The following NT5C1A variants were observed in gnomAD, a reference collection of about 807,000 sequenced individuals.
NT5C1A encodes the protein 5'-nucleotidase, cytosolic IA, also known as cytosolic 5'-nucleotidase 1A.
Under a neutral mutation model 31.0 loss-of-function variants are expected in NT5C1A, and 18 were observed. That is an observed-to-expected ratio of 0.58 (90% CI 0.40 to 0.86). NT5C1A has a LOEUF of 0.86. Ranked by LOEUF, NT5C1A falls within the 40% of genes least tolerant of loss-of-function variation. NT5C1A has a pLI of 0.00. For missense variants in NT5C1A, 470 were observed against 505.4 expected (o/e 0.93, Z 0.67); for synonymous variants, 185 against 203.6 (o/e 0.91, Z 0.78).
In NT5C1A at chr1:39,659,223, A is replaced by C; in HGVS notation, c.1005T>G (p.Ala335=). Residue 335 remains alanine (A), a synonymous_variant, in exon 6 of 6, where the codon GCT becomes GCG. Coordinates refer to ENST00000235628, the MANE Select transcript of NT5C1A (RefSeq NM_032526.3). The part of the protein sequence containing the change: ...IFFDDQMFHV[A]GAQEMGTVAA... ...CCACAGTGCCCATCTCCTGAGCCCC[A>C]GCCACATGGAACATCTGGTCATCAA... 4 of 1,614,140 alleles carry C rather than the reference A, an allele frequency of 2.5e-6. No individual in the cohort carries two copies. Among genetic ancestry groups the C allele is most frequent in the Non-Finnish European group, 3.4e-6 (4 of 1,180,052 alleles).
At chr1:39,661,464 A>C (rs567555135) in intron 4 of NT5C1A, among the ~76,000 whole-genome samples, 1 of 152,290 alleles carries the variant, frequency 6.6e-6, no homozygotes, top group South Asian at 2.1e-4. Context: ...TCTGAAGGAG[A>C]TCTCTAGGGC....
rs183827326 is a variant in NT5C1A at position 39,653,454 on chromosome 1, G to A, written c.*5667C>T. Among the ~76,000 whole-genome samples, 6 of 152,224 alleles carry A rather than the reference G, an allele frequency of 3.9e-5. No homozygotes were observed. The highest frequency in any genetic ancestry group is 2.6e-4 in the Admixed American group (4 of 15,292). On this transcript the variant is annotated 3_prime_UTR_variant, in exon 6 of 6. Coordinates refer to ENST00000235628, the MANE Select transcript of NT5C1A (RefSeq NM_032526.3). ...CCCACATAAATACACGTACGTGTACGATTTTTATCCTGTTGCACAAACTTA... is the reference window on the plus strand; with the variant it reads ...CCCACATAAATACACGTACGTGTACAATTTTTATCCTGTTGCACAAACTTA...
In NT5C1A at chr1:39,654,431, G is replaced by A. The variant is rs1008240301; in HGVS notation, c.*4690C>T. Reference sequence around the variant, plus strand: ...TCCAAAACTCATGTTTAGCTAATGCGCATCCACCTACTAGGCTGATCATTG... The same window carrying A: ...TCCAAAACTCATGTTTAGCTAATGCACATCCACCTACTAGGCTGATCATTG... On this transcript the variant is annotated 3_prime_UTR_variant, in exon 6 of 6. Transcript: ENST00000235628. Among the ~76,000 whole-genome samples the A allele has an allele frequency of 2.0e-5, 3 of 152,160 alleles. No individual in the cohort carries two copies. The highest frequency in any genetic ancestry group is 1.9e-4 in the East Asian group (1 of 5,192).
In NT5C1A at chr1:39,672,105, G is replaced by A; in HGVS notation, c.-67C>T. 1 of 1,196,004 alleles carries A rather than the reference G, an allele frequency of 8.4e-7. No individual in the cohort carries two copies. 74.1% of individuals were successfully genotyped at this position (1,196,004 alleles called of 1,614,324 possible). ...TAGACGCGGAGGTGGCTGGGGCTGG[G>A]CTGCAGGAGGGAGGCGAGTCCCGGC... is the stretch of plus-strand genomic sequence containing the variant. On this transcript the variant is annotated 5_prime_UTR_variant, in exon 1 of 6. Transcript: ENST00000235628.
chr1:39,659,541 C>A, intron 5 of NT5C1A, 55 bp from the exon 6 acceptor site: 1 of 1,512,230 alleles, frequency 6.6e-7, no homozygotes, highest in South Asian at 1.3e-5. Flanking sequence ...AATATTTGCC[C>A]CCTGCTCTCC....
chr1:39,661,023 G>T, intron 5 of NT5C1A, 56 bp downstream of exon 5: 2 of 1,053,972 alleles, frequency 1.9e-6, no homozygotes, highest in Non-Finnish European at 2.8e-6. Flanking sequence ...CAGGCCAAGG[G>T]CAGGTCTGGG....
At chr1:39,659,622 T>A in intron 5 of NT5C1A, 136 bp from the exon 6 acceptor site, 2 of 1,119,762 alleles carry the variant, frequency 1.8e-6, no homozygotes, top group Non-Finnish European at 2.5e-6. Context: ...GCTCTGCTTA[T>A]GCCTGCTTAG....
Position 39,654,173 on chromosome 1 carries a change from A to G in NT5C1A, c.*4948T>C, listed in dbSNP as rs1646448403. Among the ~76,000 whole-genome samples the G allele has an allele frequency of 6.6e-6, 1 of 152,210 alleles. No homozygotes were observed. The highest frequency in any genetic ancestry group is 1.5e-5 in the Non-Finnish European group (1 of 68,034). On this transcript the variant is annotated 3_prime_UTR_variant, in exon 6 of 6. Coordinates refer to ENST00000235628, the MANE Select transcript of NT5C1A (RefSeq NM_032526.3). ...GAGTCCTAGAATTCTCCTGATCCAC[A>G]ATTCCATTATGAGGGGTATTTGTGT...
chr1:39,657,177 G>A lies in NT5C1A; in HGVS notation c.*1944C>T, dbSNP rs1229504589. 1.3e-5 allele frequency among the ~76,000 whole-genome samples: 2 copies of A among 152,156 alleles called. No homozygotes were observed. Among genetic ancestry groups the A allele is most frequent in the African/African-American group, 4.8e-5 (2 of 41,420 alleles). ...ACACAGCCATACCCTTCCTCCCTGG[G>A]ACCAGCCTCATGGAGACCTCTGACA... On this transcript the variant is annotated 3_prime_UTR_variant, in exon 6 of 6. Coordinates refer to ENST00000235628, the MANE Select transcript of NT5C1A (RefSeq NM_032526.3).
In NT5C1A at chr1:39,666,216, G is replaced by A; in HGVS notation, c.156C>T (p.Val52=). 6.2e-7 allele frequency: 1 copy of A among 1,613,544 alleles called. No homozygotes were observed. Among genetic ancestry groups the A allele is most frequent in the Non-Finnish European group, 8.5e-7 (1 of 1,179,962 alleles). Residue 52 remains valine, a synonymous_variant, in exon 2 of 6, where the codon GTC becomes GTT. Coordinates refer to ENST00000235628, the MANE Select transcript of NT5C1A (RefSeq NM_032526.3). ...AGGCTCGGGAGGACACAGCGATGGT[G>A]ACTGCATTCTGAGGCTTGGGCTGCA... The part of the protein sequence containing the change: ...KPKSPKPQNA[V]TIAVSSRALF...
chr1:39,666,086 C>T lies in NT5C1A; in HGVS notation c.286G>A (p.Ala96Thr), dbSNP rs757182920. The T allele has an allele frequency of 1.2e-6, 2 of 1,613,096 alleles. No individual in the cohort carries two copies. Among genetic ancestry groups the T allele is most frequent in the Admixed American group, 1.7e-5 (1 of 59,978 alleles). The part of the protein sequence containing the change: ...HENEPFSPGP[A>T]FPFVKALEAV... ...TCCCTCACCTTCACAAAAGGGAAGG[C>T]TGGCCCGGGACTGAAGGGTTCGTTC... The change falls in exon 2 of 6, where the codon GCC becomes ACC. Residue 96 changes from alanine (A) to threonine (T), a missense_variant. Transcript: ENST00000235628.
chr1:39,656,815 C>T lies in NT5C1A; in HGVS notation c.*2306G>A, dbSNP rs527399818. Among the ~76,000 whole-genome samples the T allele has an allele frequency of 7.2e-5, 11 of 152,248 alleles. No homozygotes were observed. The highest frequency in any genetic ancestry group is 2.9e-5 in the Non-Finnish European group (2 of 68,030). On this transcript the variant is annotated 3_prime_UTR_variant, in exon 6 of 6. Coordinates refer to ENST00000235628, the MANE Select transcript of NT5C1A (RefSeq NM_032526.3). The stretch of plus-strand genomic sequence containing the variant: ...TCTGTGAGCCTTGGAGGCTCTTCCA[C>T]GGGGGTGATTCTGACCCCTGGGAGT...
At chr1:39,665,968 C>T (rs1646519318) in intron 2 of NT5C1A, 101 bp downstream of exon 2, 5 of 1,133,970 alleles carry the variant, frequency 4.4e-6, no homozygotes, top group East Asian at 2.5e-5. Context: ...GTTACATCTG[C>T]CCAGAGGGGC....
rs143441382 is a variant in NT5C1A, at chr1:39,654,213, C to T, written c.*4908G>A. On this transcript the variant is annotated 3_prime_UTR_variant, in exon 6 of 6. Coordinates refer to ENST00000235628, the MANE Select transcript of NT5C1A (RefSeq NM_032526.3). ...GGTATTTGTGTTTATTGCTCACGTG[C>T]CTTCATGCCACAAGAAACTGCCATT... Among the ~76,000 whole-genome samples the T allele has an allele frequency of 1.3e-5, 2 of 152,112 alleles. No homozygotes were observed. The highest frequency in any genetic ancestry group is 4.1e-4 in the South Asian group (2 of 4,826).
chr1:39,656,545 C>CA lies in NT5C1A; in HGVS notation c.*2575dup, dbSNP rs1338013763. On this transcript the variant is annotated 3_prime_UTR_variant, in exon 6 of 6. Coordinates refer to ENST00000235628, the MANE Select transcript of NT5C1A (RefSeq NM_032526.3). ...CCAGTGAAATCCATGGCTTTTACTG[C>CA]ACCTTATCTTTCTGCTTCCAGCATC... Among the ~76,000 whole-genome samples, 3 of 152,260 alleles carry CA rather than the reference C, an allele frequency of 2.0e-5. No homozygotes were observed. Among genetic ancestry groups the CA allele is most frequent in the Non-Finnish European group, 4.4e-5 (3 of 68,046 alleles).
intron 5 of NT5C1A, 32 bp from the exon 6 acceptor site, chr1:39,659,518 C>A: frequency 6.6e-7 from 1 of 1,521,262 alleles, no homozygotes; most frequent in South Asian, 1.3e-5. Flanking sequence ...ATTGTTAGCT[C>A]TACCACCTCC....
At chr1:39,663,049 C>T (rs1236225358) in intron 4 of NT5C1A, among the ~76,000 whole-genome samples, 1 of 152,172 alleles carries the variant, frequency 6.6e-6, no homozygotes, top group African/African-American at 2.4e-5. Flanking sequence ...AGAGGGTTTC[C>T]ATGGAAACAG....
At position 39,653,352 on chromosome 1, in the gene NT5C1A, G is replaced by C. The variant is rs964556263; in HGVS notation, c.*5769C>G. Among the ~76,000 whole-genome samples the C allele has an allele frequency of 6.6e-6, 1 of 152,076 alleles. No individual in the cohort carries two copies. Among genetic ancestry groups the C allele is most frequent in the Non-Finnish European group, 1.5e-5 (1 of 68,002 alleles). ...GGTCCCAGGACACTCAGTTAACAGA[G>C]ATAACCATCTGTACACATAGTGAGT... On this transcript the variant is annotated 3_prime_UTR_variant, in exon 6 of 6. Transcript: ENST00000235628.
intron 1 of NT5C1A, among the ~76,000 whole-genome samples, chr1:39,668,970 G>A (rs1646536904): frequency 6.6e-6 from 1 of 152,216 alleles, no homozygotes; most frequent in South Asian, 2.1e-4. Context: ...GGTGAAATGG[G>A]CTGGCCAGAG....
Sources: gnomAD v4.1 joint callset for allele counts (sites outside exome capture counted in the v4.1 genomes callset) on GRCh38, gnomAD v4.1.1 for gene constraint, MANE v1.5 for transcripts, NCBI Gene and HGNC (gene_info 2026-07-23, HGNC 2026-07-21) for gene names.